Variants in SOCS5 observed in about 807,000 individuals in gnomAD.
SOCS5 encodes the protein suppressor of cytokine signaling 5.
A neutral mutation model predicts 42.8 loss-of-function variants in SOCS5; 32 were observed. The observed-to-expected ratio is 0.75, with a 90% CI of 0.56 to 1.01. The LOEUF is 1.01. Ranked by LOEUF, SOCS5 falls within the 50% of genes least tolerant of loss-of-function variation. The pLI is 0.00. For missense variants in SOCS5, 627 were observed against 653.0 expected (o/e 0.96, Z 0.43); for synonymous variants, 283 against 229.6 (o/e 1.23, Z -2.10).
chr2:46,726,626 A>G (rs997974499), intron 1 of SOCS5, among the ~76,000 whole-genome samples: 1 of 152,076 alleles, frequency 6.6e-6, no homozygotes, highest in African/African-American at 2.4e-5. Context: ...TGTTCAGACT[A>G]GATCATTTCT....
At chr2:46,710,971 T>C (rs540650034) in intron 1 of SOCS5, among the ~76,000 whole-genome samples, 2 of 152,240 alleles carry the variant, frequency 1.3e-5, no homozygotes, top group Non-Finnish European at 2.9e-5. Context: ...CTTCTTTTTA[T>C]CAGCATGTTT....
At position 46,758,416 on chromosome 2, in the gene SOCS5, A is replaced by G. The variant is rs527497211; in HGVS notation, c.-12-103A>G. 5.7e-5 allele frequency: 42 copies of G among 742,770 alleles called. No homozygotes were observed. The South Asian group carries it at 8.0e-4, about 14-fold the overall frequency. The allele number at this position is 742,770 out of a possible 1,614,324, so 46.0% of individuals were successfully genotyped here. ...CAGCGTAGGTGAACGCTTGGCCAGTATCACTGAAATTCTGGACGGGAAGGG... is the reference window on the plus strand; with the variant it reads ...CAGCGTAGGTGAACGCTTGGCCAGTGTCACTGAAATTCTGGACGGGAAGGG... On this transcript the variant is annotated intron_variant, in intron 1 of 1. Coordinates refer to ENST00000394861, the MANE Select transcript of SOCS5 (RefSeq NM_144949.3).
rs993304877 is a variant in SOCS5 at position 46,752,393 on chromosome 2, G to A, written c.-12-6126G>A. On this transcript the variant is annotated intron_variant, in intron 1 of 1. Transcript: ENST00000394861. ...AGTCCCTGGTGCCAAAAAGGTTGGGGACTGCTGTTTTAGAAGTCTCTGAGT... is the reference window on the plus strand; with the variant it reads ...AGTCCCTGGTGCCAAAAAGGTTGGGAACTGCTGTTTTAGAAGTCTCTGAGT... Among the ~76,000 whole-genome samples the A allele has an allele frequency of 2.0e-5, 3 of 152,070 alleles. No individual in the cohort carries two copies. In the South Asian group the frequency reaches 6.2e-4, roughly 32 times the overall value.
intron 1 of SOCS5, among the ~76,000 whole-genome samples, chr2:46,719,327 C>G (rs1233133882): frequency 1.3e-5 from 2 of 152,198 alleles, no homozygotes; most frequent in Non-Finnish European, 2.9e-5. Flanking sequence ...TATTCTTACA[C>G]TGTACGTGTA....
intron 1 of SOCS5, among the ~76,000 whole-genome samples, chr2:46,718,061 C>T (rs1309192682): frequency 6.6e-6 from 1 of 150,626 alleles, no homozygotes; most frequent in Non-Finnish European, 1.5e-5. Flanking sequence ...AAACTTCAAG[C>T]TCTATTTCCT....
In SOCS5 at chr2:46,760,128, T is replaced by G. The variant is rs752015549; in HGVS notation, c.1598T>G (p.Val533Gly). ...VRVRWLEREP[V>G]KAK The stretch of plus-strand genomic sequence containing the variant: ...GTTCGCTGGTTGGAACGAGAACCAG[T>G]CAAGGCAAAGTAAACTCTCCGGTCC... The change falls in exon 2 of 2, where the codon GTC becomes GGC. Residue 533 changes from valine to glycine, a missense_variant. Coordinates refer to ENST00000394861, the MANE Select transcript of SOCS5 (RefSeq NM_144949.3). The G allele has an allele frequency of 1.3e-5, 21 of 1,612,262 alleles. No individual in the cohort carries two copies. Among genetic ancestry groups the G allele is most frequent in the Non-Finnish European group, 1.6e-5 (19 of 1,179,124 alleles).
chr2:46,747,572 A>G (rs1295239972), intron 1 of SOCS5, among the ~76,000 whole-genome samples: 2 of 151,986 alleles, frequency 1.3e-5, no homozygotes, highest in Admixed American at 1.3e-4. Flanking sequence ...TGTCTTGCAT[A>G]ATGTGTCCAT....
intron 1 of SOCS5, among the ~76,000 whole-genome samples, chr2:46,718,332 C>G (rs1325188373): frequency 6.6e-6 from 1 of 152,084 alleles, no homozygotes; most frequent in Non-Finnish European, 1.5e-5. Flanking sequence ...TTTACTTTTT[C>G]TTCTTTTTAA....
intron 1 of SOCS5, among the ~76,000 whole-genome samples, chr2:46,731,871 GCACTTTA>G (rs981350720): frequency 6.6e-6 from 1 of 152,188 alleles, no homozygotes; most frequent in African/African-American, 2.4e-5. Flanking sequence ...AATAAATATG[GCACTTTA>G]CCTTAAAAAA....
Position 46,760,934 on chromosome 2 carries a change from T to C in SOCS5, c.*793T>C, listed in dbSNP as rs17823065. 0.065 allele frequency: 10,932 copies of C among 167,166 alleles called. 513 individuals are homozygous for C. Among genetic ancestry groups the C allele is most frequent in the Non-Finnish European group, 0.1 (6,874 of 68,084 alleles). The allele number at this position is 167,166 out of a possible 1,614,324, so 10.4% of individuals were successfully genotyped here. On this transcript the variant is annotated 3_prime_UTR_variant, in exon 2 of 2. Transcript: ENST00000394861. ...CAGTCTAATTGTTGTTTCATAAAAGTTGGATCTGTTCCTATGCCCAGGATG... is the reference window on the plus strand; with the variant it reads ...CAGTCTAATTGTTGTTTCATAAAAGCTGGATCTGTTCCTATGCCCAGGATG...
At chr2:46,756,027 T>C (rs1673723958) in intron 1 of SOCS5, among the ~76,000 whole-genome samples, 1 of 152,214 alleles carries the variant, frequency 6.6e-6, no homozygotes, top group Non-Finnish European at 1.5e-5. Flanking sequence ...TTTCATGCTC[T>C]GTGAAACTGA....
chr2:46,707,301 T>C (rs1263074376), intron 1 of SOCS5, among the ~76,000 whole-genome samples: 1 of 152,246 alleles, frequency 6.6e-6, no homozygotes, highest in African/African-American at 2.4e-5. Flanking sequence ...TTTCATTTAG[T>C]CTGTATTGAC....
At chr2:46,737,604 A>G (rs1220862215) in intron 1 of SOCS5, among the ~76,000 whole-genome samples, 1 of 152,206 alleles carries the variant, frequency 6.6e-6, no homozygotes, top group Non-Finnish European at 1.5e-5. Flanking sequence ...CAAATTAGCA[A>G]TCAGATTCTT....
intron 1 of SOCS5, among the ~76,000 whole-genome samples, chr2:46,724,801 C>A (rs563161586): frequency 6.6e-6 from 1 of 151,910 alleles, no homozygotes; most frequent in Non-Finnish European, 1.5e-5. Context: ...TCTTGGTGAA[C>A]ATTTTGCATG....
intron 1 of SOCS5, among the ~76,000 whole-genome samples, chr2:46,750,395 C>A (rs1673597881): frequency 6.6e-6 from 1 of 151,856 alleles, no homozygotes; most frequent in Non-Finnish European, 1.5e-5. Context: ...CTAAAATTGT[C>A]TTTTTTGGAG....
At chr2:46,733,247 A>G (rs1361298235) in intron 1 of SOCS5, among the ~76,000 whole-genome samples, 3 of 152,058 alleles carry the variant, frequency 2.0e-5, no homozygotes, top group Admixed American at 6.6e-5. Flanking sequence ...GGCGCATGCC[A>G]CTATGCCCAG....
chr2:46,742,852 G>A (rs1428484267), intron 1 of SOCS5, among the ~76,000 whole-genome samples: 2 of 152,150 alleles, frequency 1.3e-5, no homozygotes, highest in African/African-American at 4.8e-5. Context: ...TTTTAGTAGA[G>A]ACGGGGTTTC....
intron 1 of SOCS5, among the ~76,000 whole-genome samples, chr2:46,721,496 A>G (rs1235752297): frequency 3.3e-5 from 5 of 152,202 alleles, no homozygotes. Context: ...TTTGCTACTT[A>G]AAGCTCATAT....
intron 1 of SOCS5, among the ~76,000 whole-genome samples, chr2:46,705,866 A>G (rs1025867563): frequency 6.6e-6 from 1 of 152,224 alleles, no homozygotes; most frequent in African/African-American, 2.4e-5. Flanking sequence ...CAAGCCAGCA[A>G]GGAGAAGCTA....
Sources: allele counts gnomAD v4.1 joint callset (sites outside exome capture counted in the v4.1 genomes callset), GRCh38; gene constraint gnomAD v4.1.1; transcripts MANE v1.5; gene names NCBI Gene and HGNC (gene_info 2026-07-23, HGNC 2026-07-21).